The following CD53 variants were observed in gnomAD, a reference collection of about 807,000 sequenced individuals.
CD53 encodes the protein leukocyte surface antigen CD53.
Under a neutral mutation model 27.3 loss-of-function variants are expected in CD53, and 20 were observed. That is an observed-to-expected ratio of 0.73 (90% CI 0.52 to 1.07). The LOEUF (loss-of-function observed/expected upper bound fraction) is 1.07, where lower values mean the gene tolerates loss of function less well. CD53 is among the 50% of genes least tolerant of loss of function. The probability of loss-of-function intolerance (pLI) is 0.00; values close to 1 mark genes in which losing one functional copy is unlikely to be tolerated. For missense variants in CD53, 216 were observed against 264.0 expected, an observed-to-expected ratio of 0.82 and a Z score of 1.26; for synonymous variants, 106 against 105.3, an observed-to-expected ratio of 1.01 and a Z score of -0.04.
intron 1 of CD53, among the ~76,000 whole-genome samples, chr1:110,876,812 A>G (rs1247263130): frequency 1.3e-5 from 2 of 152,192 alleles, no homozygotes; most frequent in African/African-American, 4.8e-5. Context: ...AAAGGTTGAA[A>G]AAATATTATG....
At chr1:110,891,946 C>T (rs1028980226) in intron 2 of CD53, among the ~76,000 whole-genome samples, 1 of 152,196 alleles carries the variant, frequency 6.6e-6, no homozygotes, top group African/African-American at 2.4e-5. Flanking sequence ...ATAAGTTTGG[C>T]TTCTCTAGTT....
intron 5 of CD53, 44 bp from the exon 6 acceptor site, chr1:110,896,608 CT>C (rs1557821562): frequency 6.4e-7 from 1 of 1,572,640 alleles, no homozygotes; most frequent in East Asian, 2.2e-5. Context: ...CTTTTTTTCA[CT>C]GTTGACTTTC....
chr1:110,880,300 G>C (rs891778080), intron 1 of CD53: 4 of 152,232 alleles, frequency 2.6e-5, no homozygotes, highest in African/African-American at 9.7e-5. Context: ...GGGCCCTTAT[G>C]GCATGTGGCA....
At chr1:110,876,325 T>C (rs1002031393) in intron 1 of CD53, among the ~76,000 whole-genome samples, 1 of 152,228 alleles carries the variant, frequency 6.6e-6, no homozygotes, top group African/African-American at 2.4e-5. Flanking sequence ...AGATTTTTTA[T>C]TAAGTAAGCA....
At chr1:110,896,028 C>G (rs1240645296) in intron 5 of CD53, among the ~76,000 whole-genome samples, 1 of 152,150 alleles carries the variant, frequency 6.6e-6, no homozygotes, top group South Asian at 2.1e-4. Context: ...AAGATCTTAA[C>G]AAGGCCTATG....
At chr1:110,884,144 C>T (rs556949801) in intron 1 of CD53, among the ~76,000 whole-genome samples, 127 of 152,164 alleles carry the variant, frequency 8.3e-4, no homozygotes, top group Middle Eastern at 3.4e-3. Flanking sequence ...CAGCTATAGA[C>T]ATTTAGCACT....
intron 3 of CD53, 114 bp downstream of exon 3, chr1:110,892,647 G>A (rs1656903002): frequency 1.1e-6 from 1 of 887,104 alleles, no homozygotes; most frequent in Admixed American, 2.2e-5. Flanking sequence ...AGGAAAATGA[G>A]ATTGGTACCT....
intron 1 of CD53, among the ~76,000 whole-genome samples, chr1:110,873,638 C>A (rs984816205): frequency 2.0e-5 from 3 of 152,102 alleles, no homozygotes; most frequent in Admixed American, 6.6e-5. Context: ...AGGAAAGAAC[C>A]CACAGCCAGA....
intron 1 of CD53, among the ~76,000 whole-genome samples, chr1:110,879,873 G>A (rs548765571): frequency 2.6e-5 from 4 of 152,124 alleles, no homozygotes; most frequent in Non-Finnish European, 4.4e-5. Context: ...GAGCCTGATC[G>A]AGGTTCTTGA....
intron 5 of CD53, 128 bp from the exon 6 acceptor site, chr1:110,896,525 C>A: frequency 1.3e-6 from 1 of 793,188 alleles, no homozygotes; most frequent in Non-Finnish European, 2.1e-6. Flanking sequence ...GAGCCCATAG[C>A]AATCAGACCA....
chr1:110,882,745 GTTTGTT>G (rs755126311), intron 1 of CD53, among the ~76,000 whole-genome samples: 4 of 151,960 alleles, frequency 2.6e-5, no homozygotes, highest in African/African-American at 9.7e-5. Flanking sequence ...TTTCAGCAAT[GTTTGTT>G]TTTAAGTTTT....
At chr1:110,878,058 C>T (rs1286229361) in intron 1 of CD53, among the ~76,000 whole-genome samples, 1 of 152,166 alleles carries the variant, frequency 6.6e-6, no homozygotes, top group Non-Finnish European at 1.5e-5. Context: ...TGGCCTTCAC[C>T]CTGCCTTTGA....
At chr1:110,897,968 A>C (rs1657134470) in intron 7 of CD53, 76 bp downstream of exon 7, 2 of 775,498 alleles carry the variant, frequency 2.6e-6, no homozygotes, top group Admixed American at 4.2e-5. Flanking sequence ...AATACCAGGT[A>C]CACAGTATTT....
At chr1:110,896,128 G>A (rs1657052386) in intron 5 of CD53, among the ~76,000 whole-genome samples, 1 of 152,102 alleles carries the variant, frequency 6.6e-6, no homozygotes. Context: ...AAAGAAATTA[G>A]GCTATTTGTC....
Position 110,877,605 on chromosome 1 carries a change from T to C in CD53, c.-18+4357T>C, listed in dbSNP as rs187754502. Among the ~76,000 whole-genome samples the C allele has an allele frequency of 2.0e-5, 3 of 152,360 alleles. No homozygotes were observed. In the East Asian group the frequency reaches 5.8e-4, roughly 29 times the overall value. On this transcript the variant is annotated intron_variant, in intron 1 of 7. Coordinates refer to ENST00000271324, the MANE Select transcript of CD53 (RefSeq NM_000560.4). The stretch of plus-strand genomic sequence containing the variant: ...CCAAGATCATCTGGATTTGTCTTTC[T>C]TCACTTTTTCTCTCCTCTTTTCTTC...
At chr1:110,886,915 G>A (rs888959801) in intron 1 of CD53, among the ~76,000 whole-genome samples, 4 of 136,488 alleles carry the variant, frequency 2.9e-5, no homozygotes, top group East Asian at 2.1e-4. Context: ...TTCTCTTGCC[G>A]TCTTCAAGTT....
At chr1:110,875,362 C>T (rs1196124829) in intron 1 of CD53, among the ~76,000 whole-genome samples, 1 of 152,168 alleles carries the variant, frequency 6.6e-6, no homozygotes, top group East Asian at 1.9e-4. Context: ...CTATGCCCAC[C>T]ATGTTCACAC....
chr1:110,897,933 G>C, intron 7 of CD53, 41 bp downstream of exon 7: 1 of 1,127,986 alleles, frequency 8.9e-7, no homozygotes, highest in Non-Finnish European at 1.3e-6. Flanking sequence ...GATTACATGA[G>C]TTAAGTCAGG....
At chr1:110,890,342 G>A (rs1214280564) in intron 1 of CD53, among the ~76,000 whole-genome samples, 4 of 152,136 alleles carry the variant, frequency 2.6e-5, no homozygotes, top group East Asian at 1.9e-4. Flanking sequence ...CGAGGCAGGC[G>A]GATCACCTGA....
Sources: allele counts gnomAD v4.1 joint callset (sites outside exome capture counted in the v4.1 genomes callset), GRCh38; gene constraint gnomAD v4.1.1; transcripts MANE v1.5; gene names NCBI Gene and HGNC (gene_info 2026-07-23, HGNC 2026-07-21).